ST7: variants seen among roughly 807,000 people sequenced by gnomAD.
ST7 encodes the protein suppressor of tumorigenicity 7 protein.
In ST7, 28 loss-of-function variants were observed where a neutral mutation model predicts 78.7. The ratio of observed to expected loss-of-function variants is 0.36; its 90% confidence interval spans 0.26 to 0.49. The LOEUF (loss-of-function observed/expected upper bound fraction) is 0.49, where lower values mean the gene tolerates loss of function less well. ST7 is among the 20% of genes least tolerant of loss of function. The pLI, the probability that ST7 is intolerant of heterozygous loss-of-function variation, is 0.99. For missense variants in ST7, 418 were observed against 696.0 expected (o/e 0.60, Z 4.49); for synonymous variants, 247 against 249.6 (o/e 0.99, Z 0.10).
intron 1 of ST7, among the ~76,000 whole-genome samples, chr7:117,059,455 C>G (rs1798236772): frequency 6.6e-6 from 1 of 151,992 alleles, no homozygotes; most frequent in African/African-American, 2.4e-5. Context: ...CTAGAATGGA[C>G]AGAAATAATG....
In ST7 at chr7:117,178,275, A is replaced by G. The variant is rs139160836; in HGVS notation, c.1078+7299A>G. Among the ~76,000 whole-genome samples, 571 of 152,330 alleles carry G rather than the reference A, an allele frequency of 3.7e-3. 1 individual carries two copies. The highest frequency in any genetic ancestry group is 8.0e-3 in the Admixed American group (122 of 15,292). Reference sequence around the variant, plus strand: ...AGGTGCTTTAGATTCAGAGATAAATATAACCTATTCTCTGTCACCAAGATG... The same window carrying G: ...AGGTGCTTTAGATTCAGAGATAAATGTAACCTATTCTCTGTCACCAAGATG... On this transcript the variant is annotated intron_variant, in intron 10 of 15. Transcript: ENST00000323984.
chr7:116,960,591 T>A (rs909521227), intron 1 of ST7, among the ~76,000 whole-genome samples: 10 of 152,228 alleles, frequency 6.6e-5, no homozygotes, highest in African/African-American at 2.2e-4. Context: ...CAAATCTTTC[T>A]TGTACTACTG....
intron 1 of ST7, among the ~76,000 whole-genome samples, chr7:116,969,224 C>G (rs533396124): frequency 6.6e-6 from 1 of 152,248 alleles, no homozygotes; most frequent in South Asian, 2.1e-4. Context: ...GTTTTTCAGA[C>G]TTTCCTTGTT....
At chr7:116,992,042 C>A (rs1794456151) in intron 1 of ST7, among the ~76,000 whole-genome samples, 1 of 152,208 alleles carries the variant, frequency 6.6e-6, no homozygotes, top group Non-Finnish European at 1.5e-5. Flanking sequence ...TGGCCTTGGG[C>A]AGCTCTGCCC....
At chr7:117,075,141 A>G (rs370473261) in intron 1 of ST7, among the ~76,000 whole-genome samples, 1 of 152,222 alleles carries the variant, frequency 6.6e-6, no homozygotes, top group South Asian at 2.1e-4. Flanking sequence ...AGGAATAAAG[A>G]TGAAAATAAT....
At chr7:117,045,720 A>G (rs576329656) in intron 1 of ST7, among the ~76,000 whole-genome samples, 1 of 152,298 alleles carries the variant, frequency 6.6e-6, no homozygotes, top group Non-Finnish European at 1.5e-5. Context: ...TGCTTGGCCC[A>G]TTGTATGCCT....
intron 1 of ST7, chr7:117,020,471 A>C: frequency 9.9e-7 from 1 of 1,006,280 alleles, no homozygotes; most frequent in Non-Finnish European, 1.4e-6. Context: ...CTTGGACTGC[A>C]TTGTCTGGCT....
At chr7:117,160,465 C>A (rs979165199) in intron 9 of ST7, among the ~76,000 whole-genome samples, 1 of 151,762 alleles carries the variant, frequency 6.6e-6, no homozygotes, top group Non-Finnish European at 1.5e-5. Flanking sequence ...GGGTATCAAC[C>A]CAGATCTATC....
intron 12 of ST7, among the ~76,000 whole-genome samples, chr7:117,194,523 G>A (rs547834977): frequency 1.3e-5 from 2 of 152,276 alleles, no homozygotes; most frequent in East Asian, 3.9e-4. Flanking sequence ...TTTTCTTGAG[G>A]AAAATTGGGG....
chr7:117,045,428 G>A (rs1797443245), intron 1 of ST7, among the ~76,000 whole-genome samples: 2 of 151,932 alleles, frequency 1.3e-5, no homozygotes, highest in Non-Finnish European at 2.9e-5. Context: ...GGGACTTTGC[G>A]CTTCATGGTC....
intron 1 of ST7, among the ~76,000 whole-genome samples, chr7:117,047,139 T>G (rs1797533265): frequency 6.6e-6 from 1 of 152,202 alleles, no homozygotes; most frequent in Non-Finnish European, 1.5e-5. Flanking sequence ...AGGACATCGG[T>G]CATTAAAAAC....
intron 9 of ST7, among the ~76,000 whole-genome samples, chr7:117,160,898 TC>T (rs1807091110): frequency 6.6e-6 from 1 of 152,090 alleles, no homozygotes; most frequent in Non-Finnish European, 1.5e-5. Flanking sequence ...TTCTTAAAGT[TC>T]CTTACACCAT....
chr7:117,042,409 C>A (rs893953748), intron 1 of ST7, among the ~76,000 whole-genome samples: 1 of 152,148 alleles, frequency 6.6e-6, no homozygotes, highest in Non-Finnish European at 1.5e-5. Context: ...ATTTAAAGGT[C>A]AAATGACTAA....
intron 1 of ST7, among the ~76,000 whole-genome samples, chr7:117,055,822 A>C (rs1376017527): frequency 2.0e-5 from 3 of 152,130 alleles, no homozygotes; most frequent in Non-Finnish European, 4.4e-5. Flanking sequence ...CCCTAGAGGG[A>C]CAGAACTAAT....
intron 2 of ST7, among the ~76,000 whole-genome samples, chr7:117,103,408 T>C (rs1239313562): frequency 6.6e-6 from 1 of 152,126 alleles, no homozygotes; most frequent in Non-Finnish European, 1.5e-5. Flanking sequence ...AACAGACACA[T>C]AGCAATGGAA....
chr7:117,094,116 A>G (rs1800846134), intron 1 of ST7, among the ~76,000 whole-genome samples: 1 of 152,218 alleles, frequency 6.6e-6, no homozygotes, highest in African/African-American at 2.4e-5. Flanking sequence ...GTCTCATCAT[A>G]GTGGAAACTG....
At chr7:117,000,763 C>A (rs1388598686) in intron 1 of ST7, among the ~76,000 whole-genome samples, 2 of 152,194 alleles carry the variant, frequency 1.3e-5, no homozygotes, top group African/African-American at 4.8e-5. Flanking sequence ...CTTGTTAGTG[C>A]TACTGGCCAT....
At chr7:117,130,088 A>T (rs979299226) in intron 4 of ST7, among the ~76,000 whole-genome samples, 4 of 151,902 alleles carry the variant, frequency 2.6e-5, no homozygotes, top group Admixed American at 6.6e-5. Context: ...ATTCTTTTCA[A>T]TATATACTAT....
chr7:117,053,105 GTTGT>G (rs151185773), intron 1 of ST7, among the ~76,000 whole-genome samples: 13,263 of 152,130 alleles, frequency 0.087, 740 homozygotes, highest in Non-Finnish European at 0.13. Context: ...GAGCATTTAA[GTTGT>G]TTGTTGTTCT....
Sources: gnomAD v4.1 joint callset for allele counts (sites outside exome capture counted in the v4.1 genomes callset) on GRCh38, gnomAD v4.1.1 for gene constraint, MANE v1.5 for transcripts, NCBI Gene and HGNC (gene_info 2026-07-23, HGNC 2026-07-21) for gene names.